Variants in FZD3 observed in about 807,000 individuals in gnomAD.
The protein encoded by FZD3 is frizzled-3.
FZD3 carries 30 observed loss-of-function variants against 60.7 expected under a neutral mutation model. That is an observed-to-expected ratio of 0.49 (90% confidence interval 0.37 to 0.67). FZD3 has a LOEUF of 0.67. FZD3 is among the 30% of genes least tolerant of loss of function. FZD3 has a pLI of 0.00. For synonymous variants in FZD3, 246 were observed against 275.2 expected (o/e 0.89, Z 1.05); for missense variants, 605 against 838.7 (o/e 0.72, Z 3.44).
At chr8:28,545,529 T>C (rs1245855317) in intron 5 of FZD3, among the ~76,000 whole-genome samples, 1 of 152,156 alleles carries the variant, frequency 6.6e-6, no homozygotes, top group Non-Finnish European at 1.5e-5. Context: ...CTCAGTCAGC[T>C]CCCGTCTTTT....
chr8:28,555,736 A>G lies in FZD3; in HGVS notation c.1554-2A>G. 1 of 1,564,060 alleles carries G rather than the reference A, an allele frequency of 6.4e-7. No homozygotes were observed. Among genetic ancestry groups the G allele is most frequent in the Non-Finnish European group, 8.8e-7 (1 of 1,134,312 alleles). On this transcript the variant is annotated splice_acceptor_variant, in intron 6 of 7. Transcript: ENST00000240093. LOFTEE classifies it high-confidence loss of function. ...TCTTAAACTTACTATTTTGTTGTCTAGGATAGTGAATGAGAGCCGACAGGT... is the reference window on the plus strand; with the variant it reads ...TCTTAAACTTACTATTTTGTTGTCTGGGATAGTGAATGAGAGCCGACAGGT...
chr8:28,551,578 G>T (rs753849136), intron 5 of FZD3, 25 bp from the exon 6 acceptor site: 11 of 1,526,934 alleles, frequency 7.2e-6, no homozygotes, highest in Non-Finnish European at 9.9e-6. Context: ...ATATATTTAA[G>T]ATGCTTTTCT....
rs916728367 is a variant in FZD3 at position 28,564,850 on chromosome 8, G to A, written c.*1839G>A. ...TCTCCGAGCCTCAGTTCCCTTGTTT[G>A]TAAATGAAGATAGAAGATAAATACG... On this transcript the variant is annotated 3_prime_UTR_variant, in exon 8 of 8. Coordinates refer to ENST00000240093, the MANE Select transcript of FZD3 (RefSeq NM_017412.4). The A allele has an allele frequency of 6.6e-6, 1 of 151,790 alleles. No individual in the cohort carries two copies. The highest frequency in any genetic ancestry group is 1.5e-5 in the Non-Finnish European group (1 of 67,848). 9.4% of individuals were successfully genotyped at this position (151,790 alleles called of 1,614,324 possible).
At chr8:28,536,582 G>T (rs10104998) in intron 5 of FZD3, among the ~76,000 whole-genome samples, 2 of 152,008 alleles carry the variant, frequency 1.3e-5, no homozygotes, top group Non-Finnish European at 2.9e-5. Flanking sequence ...GGTGGCACAC[G>T]CCTATAATCC....
intron 7 of FZD3, among the ~76,000 whole-genome samples, chr8:28,557,223 AAAAG>A (rs1381099873): frequency 2.2e-5 from 3 of 134,144 alleles, no homozygotes; most frequent in Non-Finnish European, 3.2e-5. Context: ...AAAAAAAAAA[AAAAG>A]AAGAAGAAAT....
chr8:28,529,932 T>C (rs980434579), intron 5 of FZD3, among the ~76,000 whole-genome samples: 1 of 152,148 alleles, frequency 6.6e-6, no homozygotes, highest in South Asian at 2.1e-4. Context: ...TTTAGGGCTA[T>C]TGAAGAAATA....
In FZD3 at chr8:28,502,862, C is replaced by T. The variant is rs1003489775; in HGVS notation, c.-152C>T. 7 of 457,848 alleles carry T rather than the reference C, an allele frequency of 1.5e-5. No homozygotes were observed. Among genetic ancestry groups the T allele is most frequent in the Non-Finnish European group, 2.7e-5 (7 of 259,596 alleles). 28.4% of individuals were successfully genotyped at this position (457,848 alleles called of 1,614,324 possible). A position where few individuals can be genotyped will look rare whatever the true frequency, so the allele number is the denominator to read the frequency against. On this transcript the variant is annotated 5_prime_UTR_variant, in exon 3 of 8. Coordinates refer to ENST00000240093, the MANE Select transcript of FZD3 (RefSeq NM_017412.4). Reference sequence around the variant, plus strand: ...CTTTTGTGAGACCAAGCTAACAAACCTCTGACGGTGCGAAGAGTATTTAAC... The same window carrying T: ...CTTTTGTGAGACCAAGCTAACAAACTTCTGACGGTGCGAAGAGTATTTAAC...
At chr8:28,521,976 G>A (rs1222302257) in intron 4 of FZD3, among the ~76,000 whole-genome samples, 1 of 152,036 alleles carries the variant, frequency 6.6e-6, no homozygotes, top group Non-Finnish European at 1.5e-5. Context: ...CTTGACAGAT[G>A]GAGAAACTTA....
At position 28,571,004 on chromosome 8, in the gene FZD3, ATTATG is replaced by A. The variant is rs1406199330; in HGVS notation, c.*7998_*8002del. Reference sequence around the variant, plus strand: ...TTTCTCATTCAGAGATGCCTGTATTATTATGTTATTTCGATTGCCTACCAAAAAAA... The same window carrying A: ...TTTCTCATTCAGAGATGCCTGTATTATTATTTCGATTGCCTACCAAAAAAA... On this transcript the variant is annotated 3_prime_UTR_variant, in exon 8 of 8. Coordinates refer to ENST00000240093, the MANE Select transcript of FZD3 (RefSeq NM_017412.4). The A allele has an allele frequency of 7.2e-6, 1 of 138,616 alleles. No individual in the cohort carries two copies. The highest frequency in any genetic ancestry group is 1.5e-5 in the Non-Finnish European group (1 of 65,646). 8.6% of individuals were successfully genotyped at this position (138,616 alleles called of 1,614,324 possible).
intron 4 of FZD3, among the ~76,000 whole-genome samples, chr8:28,522,254 A>G (rs1324730852): frequency 1.3e-5 from 2 of 151,664 alleles, no homozygotes; most frequent in Non-Finnish European, 2.9e-5. Context: ...TTTCTTACAA[A>G]CATTATAACA....
chr8:28,501,804 TCTC>T (rs1365476345), intron 2 of FZD3, among the ~76,000 whole-genome samples: 1 of 152,212 alleles, frequency 6.6e-6, no homozygotes, highest in Admixed American at 6.5e-5. Flanking sequence ...TGATTTCTAT[TCTC>T]TGTGCAGCAT....
chr8:28,544,467 TATC>T (rs1368852627), intron 5 of FZD3, among the ~76,000 whole-genome samples: 2 of 152,220 alleles, frequency 1.3e-5, no homozygotes, highest in Admixed American at 6.5e-5. Flanking sequence ...AGATATTAAA[TATC>T]AGTATAATTT....
intron 5 of FZD3, among the ~76,000 whole-genome samples, chr8:28,531,375 ATAAC>A (rs1200239462): frequency 6.6e-6 from 1 of 152,170 alleles, no homozygotes; most frequent in African/African-American, 2.4e-5. Flanking sequence ...ATGCTATTGT[ATAAC>A]TATACTGCAA....
intron 5 of FZD3, among the ~76,000 whole-genome samples, chr8:28,531,902 T>C (rs1487730585): frequency 6.6e-6 from 1 of 152,224 alleles, no homozygotes; most frequent in East Asian, 1.9e-4. Context: ...CTTTTGTGTT[T>C]TAAGGTAATC....
chr8:28,536,964 C>T (rs1805032236), intron 5 of FZD3, among the ~76,000 whole-genome samples: 2 of 152,190 alleles, frequency 1.3e-5, no homozygotes, highest in South Asian at 4.1e-4. Context: ...ACGCTGCCAA[C>T]ATTAGACAAT....
chr8:28,538,745 G>A (rs1805084455), intron 5 of FZD3, among the ~76,000 whole-genome samples: 1 of 151,662 alleles, frequency 6.6e-6, no homozygotes, highest in African/African-American at 2.4e-5. Flanking sequence ...TTTTTCTCAG[G>A]TCTAATATTA....
intron 3 of FZD3, among the ~76,000 whole-genome samples, chr8:28,508,087 A>G (rs1804188239): frequency 6.6e-6 from 1 of 151,824 alleles, no homozygotes; most frequent in African/African-American, 2.4e-5. Context: ...TAGAGGCAAG[A>G]TCTCACTATG....
At chr8:28,551,841 G>A in intron 6 of FZD3, 90 bp downstream of exon 6, 1 of 1,013,196 alleles carries the variant, frequency 9.9e-7, no homozygotes, top group Non-Finnish European at 1.5e-6. Context: ...CTTGGATTTG[G>A]AGAATTATTC....
chr8:28,561,862 A>G (rs142200506), intron 7 of FZD3, among the ~76,000 whole-genome samples: 2 of 152,340 alleles, frequency 1.3e-5, no homozygotes, highest in East Asian at 3.9e-4. Context: ...GATAAGTAGC[A>G]TGCTAGCTCC....
Sources: gnomAD v4.1 joint callset for allele counts (sites outside exome capture counted in the v4.1 genomes callset) on GRCh38, gnomAD v4.1.1 for gene constraint, MANE v1.5 for transcripts, NCBI Gene and HGNC (gene_info 2026-07-23, HGNC 2026-07-21) for gene names.